The following REDIC1 variants were observed in gnomAD, a reference collection of about 807,000 sequenced individuals.
REDIC1 encodes HEI10 Interacting Protein 1.
chr12:39,714,165 G>GTACATA, the REDIC1 span, among the ~76,000 whole-genome samples: 240 of 145,086 alleles, frequency 1.7e-3, 1 homozygote, highest in African/African-American at 2.2e-3. Context: ...ATGCATATAT[G>GTACATA]CGTATATGTA....
the REDIC1 span, chr12:39,646,511 A>T: frequency 6.7e-7 from 1 of 1,486,526 alleles, no homozygotes; most frequent in Non-Finnish European, 9.0e-7. Context: ...CTGGTTATTA[A>T]CAACACTTTT....
chr12:39,776,281 C>T, the REDIC1 span, among the ~76,000 whole-genome samples: 2 of 152,232 alleles, frequency 1.3e-5, no homozygotes, highest in Admixed American at 1.3e-4. Flanking sequence ...ACACTGCTTC[C>T]CCGCTTAGGA....
chr12:39,633,061 C>T, the REDIC1 span, among the ~76,000 whole-genome samples: 1 of 151,772 alleles, frequency 6.6e-6, no homozygotes, highest in Non-Finnish European at 1.5e-5. Flanking sequence ...ACATTTTTTA[C>T]TTTATAAACT....
the REDIC1 span, among the ~76,000 whole-genome samples, chr12:39,700,349 G>T: frequency 2.6e-5 from 4 of 151,936 alleles, no homozygotes; most frequent in Non-Finnish European, 5.9e-5. Context: ...AGCGATGGAA[G>T]ATGAAATGAA....
chr12:39,872,706 A>T, the REDIC1 span, among the ~76,000 whole-genome samples: 2 of 152,198 alleles, frequency 1.3e-5, no homozygotes, highest in Non-Finnish European at 2.9e-5. Context: ...ATCACAAGAC[A>T]TTTCTTTTCT....
chr12:39,869,152 C>G, the REDIC1 span, among the ~76,000 whole-genome samples: 1 of 152,078 alleles, frequency 6.6e-6, no homozygotes, highest in South Asian at 2.1e-4. Context: ...CAAAAACACA[C>G]TGAAATAAAA....
the REDIC1 span, among the ~76,000 whole-genome samples, chr12:39,712,128 G>A: frequency 0.058 from 7,321 of 125,804 alleles, 317 homozygotes; most frequent in Non-Finnish European, 0.081. Flanking sequence ...ATATATACCT[G>A]TATGTACATA....
the REDIC1 span, among the ~76,000 whole-genome samples, chr12:39,633,301 T>C: frequency 6.6e-6 from 1 of 152,120 alleles, no homozygotes; most frequent in Non-Finnish European, 1.5e-5. Flanking sequence ...AATACACATA[T>C]TAATCTAGGC....
the REDIC1 span, among the ~76,000 whole-genome samples, chr12:39,669,790 T>C: frequency 7.2e-4 from 109 of 152,334 alleles, no homozygotes; most frequent in Admixed American, 3.7e-3. Flanking sequence ...CCTTGCAGTT[T>C]GTTCTCAGAC....
the REDIC1 span, among the ~76,000 whole-genome samples, chr12:39,666,288 T>A: frequency 2.6e-5 from 4 of 152,232 alleles, no homozygotes; most frequent in African/African-American, 9.6e-5. Context: ...GTTGTTGAAT[T>A]TTGTCAAAGG....
At chr12:39,742,294 A>G in the REDIC1 span, among the ~76,000 whole-genome samples, 1 of 152,136 alleles carries the variant, frequency 6.6e-6, no homozygotes, top group Non-Finnish European at 1.5e-5. Flanking sequence ...TCCTTTCCAC[A>G]GTTAAATATC....
At chr12:39,631,425 A>G in the REDIC1 span, among the ~76,000 whole-genome samples, 1 of 152,140 alleles carries the variant, frequency 6.6e-6, no homozygotes, top group Non-Finnish European at 1.5e-5. Context: ...TGACTAGTAC[A>G]AAGGTTTTGA....
At chr12:39,726,644 AG>A in the REDIC1 span, among the ~76,000 whole-genome samples, 6 of 152,270 alleles carry the variant, frequency 3.9e-5, no homozygotes, top group African/African-American at 1.4e-4. Context: ...GTGTCTTTAT[AG>A]TAGAATGATT....
chr12:39,737,614 C>T, the REDIC1 span, among the ~76,000 whole-genome samples: 1 of 152,120 alleles, frequency 6.6e-6, no homozygotes, highest in African/African-American at 2.4e-5. Flanking sequence ...CCCCATTTTG[C>T]AGATAAGGAA....
At chr12:39,904,255 C>T in the REDIC1 span, among the ~76,000 whole-genome samples, 5 of 152,206 alleles carry the variant, frequency 3.3e-5, no homozygotes, top group Middle Eastern at 3.4e-3. Context: ...GGGGGCTAGT[C>T]GTAGAAGCAC....
chr12:39,712,817 ATG>A, the REDIC1 span, among the ~76,000 whole-genome samples: 31 of 9,100 alleles, frequency 3.4e-3, no homozygotes, highest in Non-Finnish European at 0.012. Context: ...ACTCGTATAC[ATG>A]TGTGTATGTA....
At chr12:39,896,465 T>C in the REDIC1 span, among the ~76,000 whole-genome samples, 298 of 141,418 alleles carry the variant, frequency 2.1e-3, 8 homozygotes, top group African/African-American at 3.4e-3. Context: ...TATATATGTA[T>C]ACATATATGT....
At chr12:39,688,825 G>A in the REDIC1 span, among the ~76,000 whole-genome samples, 2 of 152,166 alleles carry the variant, frequency 1.3e-5, no homozygotes, top group African/African-American at 4.8e-5. Context: ...AGTTAAGGGA[G>A]AAGGAAGAAA....
the REDIC1 span, among the ~76,000 whole-genome samples, chr12:39,632,556 A>G: frequency 2.0e-5 from 3 of 152,168 alleles, no homozygotes; most frequent in Non-Finnish European, 4.4e-5. Context: ...ATGTATATAT[A>G]CATTCACATT....
Sources: allele counts gnomAD v4.1 joint callset (sites outside exome capture counted in the v4.1 genomes callset), GRCh38; gene constraint gnomAD v4.1.1; transcripts MANE v1.5; gene names NCBI Gene and HGNC (gene_info 2026-07-23, HGNC 2026-07-21).